CADPS2: variants seen among roughly 807,000 people sequenced by gnomAD.
CADPS2 encodes calcium-dependent secretion activator 2.
A neutral mutation model predicts 172.5 loss-of-function variants in CADPS2; 93 were observed. The observed-to-expected ratio is 0.54, with a 90% CI of 0.46 to 0.64. CADPS2 has a LOEUF of 0.64. Ranked by LOEUF, CADPS2 falls within the 30% of genes least tolerant of loss-of-function variation. CADPS2 has a pLI of 0.00. For synonymous variants in CADPS2, 546 were observed against 555.2 expected, an observed-to-expected ratio of 0.98 and a Z score of 0.23; for missense variants, 1,420 against 1,565.9, an observed-to-expected ratio of 0.91 and a Z score of 1.57.
Position 122,360,839 on chromosome 7 carries a change from A to C in CADPS2, c.3472-19T>G. On this transcript the variant is annotated intron_variant, in intron 26 of 29. Transcript: ENST00000449022. ...CTTTCACCTTAAGTGTGAAAGAAAG[A>C]GATAATCATGAGAATTATTTTTTTA... 6.3e-7 allele frequency: 1 copy of C among 1,577,028 alleles called. No homozygotes were observed. Among genetic ancestry groups the C allele is most frequent in the Non-Finnish European group, 8.6e-7 (1 of 1,160,562 alleles).
intron 14 of CADPS2, 24 bp from the exon 15 acceptor site, chr7:122,451,499 A>C: frequency 7.4e-7 from 1 of 1,342,452 alleles, no homozygotes; most frequent in Non-Finnish European, 1.0e-6. Flanking sequence ...CAGAATCAAT[A>C]ATTCATATTG....
intron 8 of CADPS2, among the ~76,000 whole-genome samples, chr7:122,532,981 C>G (rs904888041): frequency 6.6e-6 from 1 of 151,596 alleles, no homozygotes; most frequent in African/African-American, 2.4e-5. Flanking sequence ...AGTGCTTTGC[C>G]CATAACATAC....
At position 122,379,015 on chromosome 7, in the gene CADPS2, C is replaced by T. The variant is rs918984152; in HGVS notation, c.3387+353G>A. The stretch of plus-strand genomic sequence containing the variant: ...ATCTAGAGCCTTAGTGCCATCGCCA[C>T]TACAGATGGGCTAAATTCAAGGACT... On this transcript the variant is annotated intron_variant, in intron 25 of 29. Coordinates refer to ENST00000449022, the MANE Select transcript of CADPS2 (RefSeq NM_017954.11). 6 of 184,608 alleles carry T rather than the reference C, an allele frequency of 3.3e-5. No homozygotes were observed. The South Asian group carries it at 4.3e-4, about 13-fold the overall frequency. 11.4% of individuals were successfully genotyped at this position (184,608 alleles called of 1,614,324 possible).
chr7:122,709,254 A>G (rs2136627756), intron 2 of CADPS2, among the ~76,000 whole-genome samples: 1 of 152,284 alleles, frequency 6.6e-6, no homozygotes, highest in Non-Finnish European at 1.5e-5. Flanking sequence ...AAGGATATGA[A>G]CAGACACTTC....
intron 2 of CADPS2, among the ~76,000 whole-genome samples, chr7:122,720,256 A>G (rs1459879073): frequency 1.3e-5 from 2 of 152,038 alleles, no homozygotes; most frequent in Non-Finnish European, 2.9e-5. Flanking sequence ...TTTTAGTTAT[A>G]ATTTCTAGAA....
chr7:122,669,623 C>T (rs1228902223), intron 2 of CADPS2, among the ~76,000 whole-genome samples: 1 of 151,694 alleles, frequency 6.6e-6, no homozygotes, highest in African/African-American at 2.4e-5. Context: ...TTCTCTTGGC[C>T]CTACGTGTAG....
chr7:122,836,370 A>C (rs545342253), intron 1 of CADPS2, among the ~76,000 whole-genome samples: 1 of 152,210 alleles, frequency 6.6e-6, no homozygotes, highest in African/African-American at 2.4e-5. Context: ...AACTGCATCA[A>C]CTAACAAGCA....
chr7:122,441,511 C>T lies in CADPS2; in HGVS notation c.2352+1G>A. The T allele has an allele frequency of 6.6e-7, 1 of 1,524,702 alleles. No homozygotes were observed. The highest frequency in any genetic ancestry group is 8.8e-7 in the Non-Finnish European group (1 of 1,135,062). The allele number at this position is 1,524,702 out of a possible 1,614,324, so 94.4% of individuals were successfully genotyped here. On this transcript the variant is annotated splice_donor_variant, in intron 16 of 29. Transcript: ENST00000449022. LOFTEE classifies it high-confidence loss of function. ...ATTTATAAAGTAATGTTCAAACATA[C>T]CCTTTCAAGTAATGAAAGTGTAGCT...
At chr7:122,824,794 A>G in intron 1 of CADPS2, among the ~76,000 whole-genome samples, 1 of 152,042 alleles carries the variant, frequency 6.6e-6, no homozygotes, top group East Asian at 1.9e-4. Context: ...TGCTTGCATG[A>G]TTTTATTTTT....
chr7:122,834,770 G>A (rs1027342727), intron 1 of CADPS2, among the ~76,000 whole-genome samples: 1 of 152,320 alleles, frequency 6.6e-6, no homozygotes, highest in South Asian at 2.1e-4. Flanking sequence ...GCTCGAGTAG[G>A]TAAACAAAGC....
At chr7:122,751,034 C>T (rs926740575) in intron 1 of CADPS2, among the ~76,000 whole-genome samples, 17 of 152,124 alleles carry the variant, frequency 1.1e-4, no homozygotes, top group African/African-American at 4.1e-4. Context: ...CAGGATAAAA[C>T]TCAAACCGAT....
chr7:122,472,910 T>TG (rs1457529586), intron 13 of CADPS2, among the ~76,000 whole-genome samples: 6 of 152,014 alleles, frequency 3.9e-5, no homozygotes, highest in East Asian at 1.9e-4. Flanking sequence ...TCAGACAAAA[T>TG]GGGGGGGCGC....
intron 9 of CADPS2, among the ~76,000 whole-genome samples, chr7:122,502,489 A>T (rs1440972679): frequency 6.6e-6 from 1 of 152,030 alleles, no homozygotes; most frequent in African/African-American, 2.4e-5. Flanking sequence ...AAAGTTTTAA[A>T]GACATAACCC....
At chr7:122,692,939 C>T (rs919591130) in intron 2 of CADPS2, among the ~76,000 whole-genome samples, 1 of 152,260 alleles carries the variant, frequency 6.6e-6, no homozygotes, top group South Asian at 2.1e-4. Context: ...TATACAGTGT[C>T]AGCAGGGCAA....
At chr7:122,523,268 T>C (rs1318257294) in intron 8 of CADPS2, among the ~76,000 whole-genome samples, 2 of 152,160 alleles carry the variant, frequency 1.3e-5, no homozygotes, top group African/African-American at 4.8e-5. Flanking sequence ...TATCTTAATA[T>C]AGATGTCAAT....
chr7:122,379,515 A>G, intron 24 of CADPS2, 73 bp from the exon 25 acceptor site: 1 of 868,554 alleles, frequency 1.2e-6, no homozygotes, highest in Admixed American at 2.0e-5. Context: ...TAAATGCTCT[A>G]AATCTACTAG....
intron 17 of CADPS2, among the ~76,000 whole-genome samples, chr7:122,420,702 C>T (rs2048439853): frequency 6.6e-6 from 1 of 152,222 alleles, no homozygotes; most frequent in Admixed American, 6.5e-5. Flanking sequence ...CACCAAATTG[C>T]TGATTGTTGT....
chr7:122,331,620 T>C (rs1165922824), intron 28 of CADPS2, among the ~76,000 whole-genome samples: 2 of 152,050 alleles, frequency 1.3e-5, no homozygotes, highest in African/African-American at 4.8e-5. Context: ...GCCTGGTTGA[T>C]ACAAGGAGAC....
chr7:122,629,077 T>G lies in CADPS2; in HGVS notation c.867+171A>C, dbSNP rs145047241. On this transcript the variant is annotated intron_variant, in intron 4 of 29. Coordinates refer to ENST00000449022, the MANE Select transcript of CADPS2 (RefSeq NM_017954.11). ...ACGTAAAATGAATAATATGCTTCAT[T>G]TAGATAACATGCTTTCAGATATTTG... is the stretch of plus-strand genomic sequence containing the variant. 3.3e-5 allele frequency among the ~76,000 whole-genome samples: 5 copies of G among 152,136 alleles called. No homozygotes were observed. The East Asian group carries it at 9.7e-4, about 29-fold the overall frequency.
Sources: allele counts gnomAD v4.1 joint callset (sites outside exome capture counted in the v4.1 genomes callset), GRCh38; gene constraint gnomAD v4.1.1; transcripts MANE v1.5; gene names NCBI Gene and HGNC (gene_info 2026-07-23, HGNC 2026-07-21).